The following KCNMA1 variants were observed in gnomAD, a reference collection of about 807,000 sequenced individuals.
KCNMA1 encodes potassium calcium-activated channel subfamily M alpha 1.
KCNMA1 carries 29 observed loss-of-function variants against 140.0 expected under a neutral mutation model. The observed-to-expected ratio is 0.21, with a 90% CI of 0.15 to 0.28. The LOEUF (loss-of-function observed/expected upper bound fraction) is 0.28. KCNMA1 is among the 10% of genes least tolerant of loss of function. KCNMA1 has a pLI of 1.00. For missense variants in KCNMA1, 880 were observed against 1,602.2 expected (o/e 0.55, Z 7.70); for synonymous variants, 612 against 611.9 (o/e 1.00, Z 0.00).
At chr10:77,190,427 A>G (rs1464851579) in intron 3 of KCNMA1, among the ~76,000 whole-genome samples, 1 of 152,192 alleles carries the variant, frequency 6.6e-6, no homozygotes, top group Non-Finnish European at 1.5e-5. Context: ...GCTATGTGGT[A>G]GAGTTAGGAT....
intron 13 of KCNMA1, among the ~76,000 whole-genome samples, chr10:77,074,356 A>G (rs896813855): frequency 6.6e-6 from 1 of 152,250 alleles, no homozygotes; most frequent in African/African-American, 2.4e-5. Context: ...GACTAGTTCC[A>G]GAGTACTTGA....
chr10:77,396,697 A>G (rs895995713), intron 2 of KCNMA1, among the ~76,000 whole-genome samples: 1 of 152,204 alleles, frequency 6.6e-6, no homozygotes, highest in Non-Finnish European at 1.5e-5. Context: ...CATGCAACAT[A>G]TTTAGGGGGA....
At chr10:77,471,166 C>G (rs548619251) in intron 1 of KCNMA1, among the ~76,000 whole-genome samples, 1 of 148,798 alleles carries the variant, frequency 6.7e-6, no homozygotes, top group East Asian at 2.0e-4. Flanking sequence ...TACACACACA[C>G]CACACACAAC....
intron 5 of KCNMA1, among the ~76,000 whole-genome samples, chr10:77,154,638 A>G (rs972152824): frequency 7.9e-5 from 12 of 152,166 alleles, no homozygotes; most frequent in African/African-American, 2.4e-5. Flanking sequence ...ATCTGTATCT[A>G]TATAGAGATA....
chr10:77,447,593 T>C (rs1309828606), intron 1 of KCNMA1, among the ~76,000 whole-genome samples: 1 of 152,176 alleles, frequency 6.6e-6, no homozygotes, highest in African/African-American at 2.4e-5. Context: ...ATGAAATAAA[T>C]ATGCCATCAC....
At chr10:77,065,975 T>C (rs1282155741) in intron 14 of KCNMA1, among the ~76,000 whole-genome samples, 1 of 152,100 alleles carries the variant, frequency 6.6e-6, no homozygotes, top group Admixed American at 6.5e-5. Flanking sequence ...CAAGGGAGTG[T>C]GGCTAACATA....
At chr10:77,399,061 C>T (rs1474382821) in intron 2 of KCNMA1, among the ~76,000 whole-genome samples, 1 of 152,136 alleles carries the variant, frequency 6.6e-6, no homozygotes, top group African/African-American at 2.4e-5. Context: ...GAGCGCAAAC[C>T]TGAGCCACTC....
At chr10:77,171,390 TGTGTGTGTGC>T (rs374661107) in intron 5 of KCNMA1, among the ~76,000 whole-genome samples, 4,521 of 118,564 alleles carry the variant, frequency 0.038, 81 homozygotes, top group Non-Finnish European at 0.048. Context: ...CGTGTGCGTG[TGTGTGTGTGC>T]GTGTGTGTGT....
chr10:77,454,562 C>T (rs2097724406), intron 1 of KCNMA1, among the ~76,000 whole-genome samples: 1 of 152,196 alleles, frequency 6.6e-6, no homozygotes, highest in Non-Finnish European at 1.5e-5. Flanking sequence ...ACCTGACCCC[C>T]TTTCACTCTA....
At chr10:77,079,748 C>A (rs1334240011) in intron 12 of KCNMA1, 198 bp from the exon 13 acceptor site, 8 of 621,146 alleles carry the variant, frequency 1.3e-5, no homozygotes, top group African/African-American at 3.6e-5. Context: ...CAACTTTTCA[C>A]TGGACAAGCC....
At chr10:77,146,701 CAAAAAAAAAAAAAA>C (rs5786266) in intron 5 of KCNMA1, among the ~76,000 whole-genome samples, 22 of 64,192 alleles carry the variant, frequency 3.4e-4, no homozygotes, top group African/African-American at 1.2e-3. Context: ...GACTTCATCT[CAAAAAAAAAAAAAA>C]AAAAAAAAAA....
intron 3 of KCNMA1, among the ~76,000 whole-genome samples, chr10:77,244,968 T>C (rs1165282505): frequency 3.9e-5 from 6 of 152,110 alleles, no homozygotes; most frequent in African/African-American, 1.2e-4. Flanking sequence ...TGCAGTGCCG[T>C]TCTGAACATC....
intron 3 of KCNMA1, among the ~76,000 whole-genome samples, chr10:77,220,580 C>T (rs2154188739): frequency 6.6e-6 from 1 of 152,238 alleles, no homozygotes. Context: ...TTTGTGCATA[C>T]AAAGGGGCCA....
Position 76,889,548 on chromosome 10 carries a change from G to A in KCNMA1, c.3364C>T (p.Leu1122=), listed in dbSNP as rs756151490. 6.2e-7 allele frequency: 1 copy of A among 1,613,644 alleles called. No individual in the cohort carries two copies. The highest frequency in any genetic ancestry group is 8.5e-7 in the Non-Finnish European group (1 of 1,179,612). The change falls in exon 27 of 28, where the codon CTG becomes TTG. Residue 1122 remains leucine (L), a synonymous_variant. Transcript: ENST00000286628. ...DLGDGGCYGD[L]FCKALKTYNM... ...TATGTTTTCAGAGCTTTGCAGAACAGATCACCATAACAACCACCATCCTGG... is the reference window on the plus strand; with the variant it reads ...TATGTTTTCAGAGCTTTGCAGAACAAATCACCATAACAACCACCATCCTGG...
intron 2 of KCNMA1, among the ~76,000 whole-genome samples, chr10:77,339,522 G>A (rs1399099161): frequency 6.6e-6 from 1 of 152,132 alleles, no homozygotes; most frequent in Non-Finnish European, 1.5e-5. Flanking sequence ...AGGCACTCCT[G>A]CCTCACCCCA....
chr10:77,003,007 T>A (rs909751436), intron 18 of KCNMA1, among the ~76,000 whole-genome samples: 1 of 152,222 alleles, frequency 6.6e-6, no homozygotes, highest in Non-Finnish European at 1.5e-5. Flanking sequence ...CCTCTTTGAA[T>A]GTTACAGTCA....
intron 2 of KCNMA1, among the ~76,000 whole-genome samples, chr10:77,277,112 G>T (rs555634954): frequency 6.7e-4 from 102 of 152,230 alleles, no homozygotes; most frequent in African/African-American, 2.3e-3. Flanking sequence ...GCAAGTGGTC[G>T]TTGCCTTAAG....
At chr10:77,447,239 T>C (rs778509773) in intron 1 of KCNMA1, among the ~76,000 whole-genome samples, 7 of 152,236 alleles carry the variant, frequency 4.6e-5, no homozygotes, top group Middle Eastern at 6.8e-3. Flanking sequence ...CACTCCAGAG[T>C]TGTCTGCTGG....
intron 5 of KCNMA1, among the ~76,000 whole-genome samples, chr10:77,128,759 A>G (rs2097793344): frequency 1.3e-5 from 2 of 152,238 alleles, no homozygotes; most frequent in African/African-American, 2.4e-5. Context: ...TGTTATTCAT[A>G]TAAATAGGCC....
Sources: allele counts gnomAD v4.1 joint callset (sites outside exome capture counted in the v4.1 genomes callset), GRCh38; gene constraint gnomAD v4.1.1; transcripts MANE v1.5; gene names NCBI Gene and HGNC (gene_info 2026-07-23, HGNC 2026-07-21).